Variants in MYH15 observed in about 807,000 individuals in gnomAD.
MYH15 encodes myosin-15.
In MYH15, 227 loss-of-function variants were observed where a neutral mutation model predicts 240.5. The observed-to-expected ratio is 0.94, with a 90% confidence interval of 0.85 to 1.05. MYH15 has a LOEUF of 1.05. Ranked by LOEUF, MYH15 falls within the 50% of genes least tolerant of loss-of-function variation. The probability of loss-of-function intolerance (pLI) is 0.00; values close to 1 mark genes in which losing one functional copy is unlikely to be tolerated. For synonymous variants in MYH15, 785 were observed against 796.7 expected, an observed-to-expected ratio of 0.99 and a Z score of 0.25; for missense variants, 2,217 against 2,247.5, an observed-to-expected ratio of 0.99 and a Z score of 0.27.
At position 108,428,706 on chromosome 3, in the gene MYH15, A is replaced by C. The variant is rs1409363355; in HGVS notation, c.3488T>G (p.Phe1163Cys). 2 of 1,612,834 alleles carry C rather than the reference A, an allele frequency of 1.2e-6. No individual in the cohort carries two copies. The highest frequency in any genetic ancestry group is 1.7e-6 in the Non-Finnish European group (2 of 1,179,686). The stretch of plus-strand genomic sequence containing the variant: ...TTCCATGTCTCGGTGCAGCTTCTGG[A>C]ATTTGGTTTCCTGTTTCTTAGTTAT... ...LEITKKQETKFQKLHRDMEEA... is the reference protein window; with the variant it reads ...LEITKKQETKCQKLHRDMEEA... Residue 1163 changes from phenylalanine to cysteine, a missense_variant, in exon 27 of 41, where the codon TTC becomes TGC. Transcript: ENST00000693548.
intron 27 of MYH15, among the ~76,000 whole-genome samples, chr3:108,421,446 C>A (rs1239223111): frequency 1.3e-5 from 2 of 152,142 alleles, no homozygotes; most frequent in African/African-American, 4.8e-5. Context: ...CGGGAGACAC[C>A]CAACTTCCTG....
At position 108,510,596 on chromosome 3, in the gene MYH15, A is replaced by G; in HGVS notation, c.-66T>C. The stretch of plus-strand genomic sequence containing the variant: ...AGTAGGCAAGATTCAACCTGAAAAA[A>G]AAAAATTGATACAGAGAAGAAAAAA... On this transcript the variant is annotated 5_prime_UTR_variant, in exon 1 of 41. Coordinates refer to ENST00000693548, the MANE Select transcript of MYH15 (RefSeq NM_014981.3). 1 of 1,596,638 alleles carries G rather than the reference A, an allele frequency of 6.3e-7. No homozygotes were observed. The highest frequency in any genetic ancestry group is 8.5e-7 in the Non-Finnish European group (1 of 1,175,488).
chr3:108,464,102 T>C lies in MYH15; in HGVS notation c.1731+536A>G, dbSNP rs140549137. Among the ~76,000 whole-genome samples, 1,349 of 152,298 alleles carry C rather than the reference T, an allele frequency of 8.9e-3. 15 individuals are homozygous for C. The highest frequency in any genetic ancestry group is 0.031 in the African/African-American group (1,286 of 41,552). Reference sequence around the variant, plus strand: ...TTAGGTCGAAGTATTATTTTATCTTTTATCAATTCTCTTTTTGTTCCACCA... The same window carrying C: ...TTAGGTCGAAGTATTATTTTATCTTCTATCAATTCTCTTTTTGTTCCACCA... On this transcript the variant is annotated intron_variant, in intron 15 of 40. Transcript: ENST00000693548.
chr3:108,476,718 C>T (rs1301418991), intron 11 of MYH15, among the ~76,000 whole-genome samples: 1 of 152,166 alleles, frequency 6.6e-6, no homozygotes, highest in Non-Finnish European at 1.5e-5. Context: ...GTCAAAGCCA[C>T]ATTGAAATCT....
At chr3:108,511,104 T>C (rs532963796), upstream of MYH15, among the ~76,000 whole-genome samples, 4 of 152,180 alleles carry the variant, frequency 2.6e-5, 1 homozygote, top group South Asian at 8.3e-4. Flanking sequence ...TTGCGGACAC[T>C]AGGCCTTTGA....
At chr3:108,496,900 C>T (rs1423156534) in intron 6 of MYH15, among the ~76,000 whole-genome samples, 16 of 151,340 alleles carry the variant, frequency 1.1e-4, no homozygotes, top group South Asian at 4.2e-4. Flanking sequence ...CGGTGGCTCA[C>T]GCCTGTAATC....
At chr3:108,541,212 T>C in the MYH15 span, among the ~76,000 whole-genome samples, 20 of 151,820 alleles carry the variant, frequency 1.3e-4, no homozygotes, top group Admixed American at 1.2e-3. Context: ...ATAAATAATA[T>C]AGAAAAATAA....
At chr3:108,511,830 A>G (rs1216504470), upstream of MYH15, among the ~76,000 whole-genome samples, 1 of 152,196 alleles carries the variant, frequency 6.6e-6, no homozygotes, top group African/African-American at 2.4e-5. Context: ...ACTGCACTTA[A>G]TCTGCTCTCT....
intron 1 of MYH15, among the ~76,000 whole-genome samples, chr3:108,517,254 C>G (rs1387081875): frequency 2.6e-5 from 4 of 152,224 alleles, no homozygotes; most frequent in African/African-American, 9.6e-5. Flanking sequence ...TTCTCCTACA[C>G]TTTACTACCT....
At chr3:108,437,515 G>T (rs1199744269) in intron 25 of MYH15, 39 bp downstream of exon 25, 1 of 1,591,540 alleles carries the variant, frequency 6.3e-7, no homozygotes, top group Non-Finnish European at 8.5e-7. Context: ...TCTAATATAA[G>T]GTCTCCAGCA....
At chr3:108,404,536 C>T (rs1285236362) in intron 33 of MYH15, among the ~76,000 whole-genome samples, 1 of 152,170 alleles carries the variant, frequency 6.6e-6, no homozygotes, top group Admixed American at 6.5e-5. Flanking sequence ...TCTTCCTCAC[C>T]ACCTTCTGTG....
At chr3:108,488,651 G>A (rs952696377) in intron 9 of MYH15, among the ~76,000 whole-genome samples, 3 of 152,142 alleles carry the variant, frequency 2.0e-5, no homozygotes, top group South Asian at 2.1e-4. Flanking sequence ...ATCCTATTGT[G>A]TATATATACC....
At chr3:108,520,552 C>A (rs760872096) in intron 1 of MYH15, among the ~76,000 whole-genome samples, 2 of 152,112 alleles carry the variant, frequency 1.3e-5, no homozygotes, top group Non-Finnish European at 2.9e-5. Context: ...GGATTTGGCA[C>A]CCCAAATGTC....
chr3:108,493,009 G>A (rs1486244267), intron 8 of MYH15, 105 bp downstream of exon 8: 1 of 790,142 alleles, frequency 1.3e-6, no homozygotes, highest in African/African-American at 2.4e-5. Flanking sequence ...GAAAAGGAAA[G>A]AAAGAAAGAA....
intron 11 of MYH15, among the ~76,000 whole-genome samples, chr3:108,478,311 A>T (rs75092711): frequency 0.023 from 3,452 of 152,304 alleles, 45 homozygotes; most frequent in Middle Eastern, 0.034. Context: ...TACAAGTTAC[A>T]TACCTACTTT....
At chr3:108,497,238 TA>T (rs958532441) in intron 6 of MYH15, among the ~76,000 whole-genome samples, 19 of 136,670 alleles carry the variant, frequency 1.4e-4, no homozygotes, top group Admixed American at 1.2e-3. Flanking sequence ...AACGTGGTGG[TA>T]AAAAAAAGAA....
chr3:108,437,414 A>G, intron 25 of MYH15, 140 bp downstream of exon 25: 1 of 1,115,480 alleles, frequency 9.0e-7, no homozygotes. Flanking sequence ...AGAAAAAAAA[A>G]ATTGTTTCCT....
rs117717906 is a variant in MYH15, at chr3:108,392,569, C to T, written c.5260-639G>A. 7.2e-5 allele frequency among the ~76,000 whole-genome samples: 11 copies of T among 152,340 alleles called. No homozygotes were observed. The East Asian group carries it at 1.9e-3, about 27-fold the overall frequency. ...ATTTAATGTAAGAACATGGCCCTCA[C>T]AGCCCAAGCTTTTCTGTCTATCAGG... is the stretch of plus-strand genomic sequence containing the variant. On this transcript the variant is annotated intron_variant, in intron 36 of 40. Transcript: ENST00000693548.
upstream of MYH15, among the ~76,000 whole-genome samples, chr3:108,511,169 T>C (rs28507355): frequency 0.019 from 2,948 of 152,018 alleles, 106 homozygotes; most frequent in African/African-American, 0.068. Context: ...GACAGACCGT[T>C]ATAGACAGAG....
Sources: gnomAD v4.1 joint callset for allele counts (sites outside exome capture counted in the v4.1 genomes callset) on GRCh38, gnomAD v4.1.1 for gene constraint, MANE v1.5 for transcripts, NCBI Gene and HGNC (gene_info 2026-07-23, HGNC 2026-07-21) for gene names.